SH3BGRL2: variants seen among roughly 807,000 people sequenced by gnomAD.
The protein encoded by SH3BGRL2 is SH3 domain binding glutamate rich protein like 2.
A neutral mutation model predicts 14.8 loss-of-function variants in SH3BGRL2; 21 were observed. The observed-to-expected ratio is 1.42, with a 90% CI of 1.01 to 2.05. The LOEUF (loss-of-function observed/expected upper bound fraction) is 2.05. Ranked by LOEUF, SH3BGRL2 falls within the 30% of genes most tolerant of loss-of-function variation. The pLI, the probability that SH3BGRL2 is intolerant of heterozygous loss-of-function variation, is 0.00. For missense variants in SH3BGRL2, 147 were observed against 130.8 expected, an observed-to-expected ratio of 1.12 and a Z score of -0.61; for synonymous variants, 50 against 47.8, an observed-to-expected ratio of 1.05 and a Z score of -0.19.
chr6:79,703,483 C>T lies in SH3BGRL2; in HGVS notation c.*3974C>T, dbSNP rs1185661096. The T allele has an allele frequency of 2.0e-5, 3 of 152,128 alleles. No homozygotes were observed. Among genetic ancestry groups the T allele is most frequent in the Non-Finnish European group, 2.9e-5 (2 of 68,030 alleles). 9.4% of individuals were successfully genotyped at this position (152,128 alleles called of 1,614,324 possible). The stretch of plus-strand genomic sequence containing the variant: ...CAAACCCCTGTGTGCCTACCACCCA[C>T]CTTATTGCCTTTCCTTTGAGGTACC... On this transcript the variant is annotated 3_prime_UTR_variant, in exon 4 of 4. Transcript: ENST00000369838.
the SH3BGRL2 span, among the ~76,000 whole-genome samples, chr6:79,598,592 A>T: frequency 6.6e-6 from 1 of 152,102 alleles, no homozygotes; most frequent in Non-Finnish European, 1.5e-5. Flanking sequence ...AGGGCAGAGG[A>T]ACTTGAGGGG....
chr6:79,599,487 C>T, the SH3BGRL2 span, among the ~76,000 whole-genome samples: 1 of 151,940 alleles, frequency 6.6e-6, no homozygotes, highest in South Asian at 2.1e-4. Flanking sequence ...TCTACTGCCT[C>T]AGCCTCCCCA....
intron 1 of SH3BGRL2, among the ~76,000 whole-genome samples, chr6:79,668,742 G>C (rs1769712917): frequency 6.6e-6 from 1 of 152,086 alleles, no homozygotes; most frequent in South Asian, 2.1e-4. Context: ...AACACTTCTT[G>C]TTTTGTTATG....
At chr6:79,585,951 T>A in the SH3BGRL2 span, among the ~76,000 whole-genome samples, 7 of 151,938 alleles carry the variant, frequency 4.6e-5, no homozygotes, top group African/African-American at 7.2e-5. Context: ...ATCCCAGCAC[T>A]TTGGGAGGCC....
chr6:79,621,763 A>G, the SH3BGRL2 span, among the ~76,000 whole-genome samples: 1 of 152,104 alleles, frequency 6.6e-6, no homozygotes, highest in African/African-American at 2.4e-5. Flanking sequence ...CCTTCTTGAT[A>G]TACACTTTCT....
chr6:79,616,112 G>A, the SH3BGRL2 span, among the ~76,000 whole-genome samples: 6 of 151,654 alleles, frequency 4.0e-5, no homozygotes, highest in Admixed American at 6.6e-5. Context: ...CACCGCACCC[G>A]GCCTAAACCA....
the SH3BGRL2 span, among the ~76,000 whole-genome samples, chr6:79,608,598 A>G: frequency 6.6e-6 from 1 of 152,190 alleles, no homozygotes; most frequent in Non-Finnish European, 1.5e-5. Context: ...AGTTCAACTG[A>G]GGGCAGTAAC....
chr6:79,686,079 T>C (rs1414380609), intron 2 of SH3BGRL2, among the ~76,000 whole-genome samples: 1 of 152,214 alleles, frequency 6.6e-6, no homozygotes, highest in Non-Finnish European at 1.5e-5. Flanking sequence ...GGAAGTATTG[T>C]TCCATTTTCC....
chr6:79,620,199 G>A, the SH3BGRL2 span, among the ~76,000 whole-genome samples: 1 of 151,684 alleles, frequency 6.6e-6, no homozygotes, highest in Non-Finnish European at 1.5e-5. Flanking sequence ...CTTTCTTGCT[G>A]GATAATTATT....
intron 1 of SH3BGRL2, among the ~76,000 whole-genome samples, chr6:79,641,190 GTGTGTGGTTT>G (rs1769028199): frequency 1.5e-5 from 2 of 132,710 alleles, no homozygotes; most frequent in South Asian, 5.1e-4. Flanking sequence ...GTGTGTGTGT[GTGTGTGGTTT>G]GTTTTAAATC....
chr6:79,601,587 CAAAGTT>C, the SH3BGRL2 span, among the ~76,000 whole-genome samples: 2 of 152,268 alleles, frequency 1.3e-5, no homozygotes, highest in South Asian at 4.1e-4. Context: ...CCCTTTAAAA[CAAAGTT>C]AAACCATTTA....
intron 1 of SH3BGRL2, among the ~76,000 whole-genome samples, chr6:79,635,346 A>G (rs921339029): frequency 2.0e-5 from 3 of 152,248 alleles, no homozygotes; most frequent in African/African-American, 7.2e-5. Flanking sequence ...TCCGGAAGCC[A>G]TTTATGTCCA....
the SH3BGRL2 span, among the ~76,000 whole-genome samples, chr6:79,569,529 G>C: frequency 1.3e-5 from 2 of 152,148 alleles, no homozygotes; most frequent in African/African-American, 4.8e-5. Flanking sequence ...GTTATGTTAA[G>C]AGTCTGTTTT....
the SH3BGRL2 span, among the ~76,000 whole-genome samples, chr6:79,615,004 A>T: frequency 3.3e-5 from 5 of 152,042 alleles, no homozygotes; most frequent in Non-Finnish European, 7.4e-5. Flanking sequence ...AGCACTTCTG[A>T]GTTCCCTCTC....
At chr6:79,621,018 C>T in the SH3BGRL2 span, among the ~76,000 whole-genome samples, 1 of 152,074 alleles carries the variant, frequency 6.6e-6, no homozygotes, top group African/African-American at 2.4e-5. Flanking sequence ...CCATCTTAGC[C>T]TCCCAAAGTG....
chr6:79,563,404 G>T, the SH3BGRL2 span, among the ~76,000 whole-genome samples: 8 of 152,078 alleles, frequency 5.3e-5, no homozygotes, highest in Admixed American at 5.2e-4. Flanking sequence ...GAGCCACAGC[G>T]CCCCGCCTAG....
chr6:79,611,602 G>A, the SH3BGRL2 span, among the ~76,000 whole-genome samples: 210 of 152,184 alleles, frequency 1.4e-3, no homozygotes, highest in Admixed American at 3.9e-3. Context: ...AGTAGAGGCG[G>A]GGTTTCGCCA....
chr6:79,552,445 T>A, the SH3BGRL2 span, among the ~76,000 whole-genome samples: 15 of 152,316 alleles, frequency 9.8e-5, no homozygotes, highest in African/African-American at 3.4e-4. Flanking sequence ...TCTGGGATCT[T>A]ATTGCCAACA....
the SH3BGRL2 span, among the ~76,000 whole-genome samples, chr6:79,615,721 T>G: frequency 2.0e-5 from 3 of 152,132 alleles, no homozygotes; most frequent in Admixed American, 6.5e-5. Context: ...CAATAAACTA[T>G]ACCCATCTAA....
Sources: gnomAD v4.1 joint callset for allele counts (sites outside exome capture counted in the v4.1 genomes callset) on GRCh38, gnomAD v4.1.1 for gene constraint, MANE v1.5 for transcripts, NCBI Gene and HGNC (gene_info 2026-07-23, HGNC 2026-07-21) for gene names.